Variants in SOX6 observed in about 807,000 individuals in gnomAD.
The protein encoded by SOX6 is SRY-box transcription factor 6, also known as transcription factor SOX-6.
Under a neutral mutation model 97.8 loss-of-function variants are expected in SOX6, and 11 were observed. The observed-to-expected ratio is 0.11, with a 90% CI of 0.07 to 0.19. The LOEUF is 0.19. Among genes scored for constraint, SOX6 ranks in the 10% least tolerant of loss-of-function variants. The pLI, the probability that SOX6 is intolerant of heterozygous loss-of-function variation, is 1.00. For missense variants in SOX6, 810 were observed against 1,039.5 expected, an observed-to-expected ratio of 0.78 and a Z score of 3.04; for synonymous variants, 360 against 371.4, an observed-to-expected ratio of 0.97 and a Z score of 0.35.
At chr11:16,016,402 A>C (rs944814733) in intron 12 of SOX6, among the ~76,000 whole-genome samples, 1 of 152,098 alleles carries the variant, frequency 6.6e-6, no homozygotes, top group African/African-American at 2.4e-5. Context: ...CAAAAATTAC[A>C]ATCACGAGTT....
At chr11:16,403,622 A>T (rs1278945062) in intron 1 of SOX6, among the ~76,000 whole-genome samples, 2 of 151,764 alleles carry the variant, frequency 1.3e-5, no homozygotes, top group Non-Finnish European at 2.9e-5. Flanking sequence ...ATAAGATAAG[A>T]GACAGTCTTT....
At chr11:16,429,029 C>A (rs932758389) in intron 1 of SOX6, among the ~76,000 whole-genome samples, 1 of 151,968 alleles carries the variant, frequency 6.6e-6, no homozygotes, top group Non-Finnish European at 1.5e-5. Context: ...TGAACAGGCA[C>A]TTTTCAAAAG....
intron 4 of SOX6, among the ~76,000 whole-genome samples, chr11:16,578,986 A>T (rs1848007504): frequency 6.6e-6 from 1 of 152,152 alleles, no homozygotes; most frequent in Non-Finnish European, 1.5e-5. Context: ...TCTGAAACAA[A>T]ATATGGAAAT....
chr11:16,278,607 C>G (rs1854468152), intron 3 of SOX6, among the ~76,000 whole-genome samples: 1 of 151,262 alleles, frequency 6.6e-6, no homozygotes, highest in Non-Finnish European at 1.5e-5. Flanking sequence ...ATTTGGGGCC[C>G]CAGAACAATA....
At chr11:16,006,028 G>C (rs909623943) in intron 13 of SOX6, among the ~76,000 whole-genome samples, 3 of 151,860 alleles carry the variant, frequency 2.0e-5, no homozygotes, top group Non-Finnish European at 4.4e-5. Context: ...GTAAGGCATC[G>C]ATCAGTCACA....
chr11:16,169,731 A>G (rs1850981314), intron 6 of SOX6, among the ~76,000 whole-genome samples: 1 of 152,114 alleles, frequency 6.6e-6, no homozygotes, highest in Non-Finnish European at 1.5e-5. Context: ...AATAGTTTAA[A>G]TTCCTTCCAC....
At chr11:16,176,299 T>A (rs576744739) in intron 6 of SOX6, among the ~76,000 whole-genome samples, 1 of 151,974 alleles carries the variant, frequency 6.6e-6, no homozygotes, top group South Asian at 2.1e-4. Flanking sequence ...TAAATAAAAA[T>A]CTTTGGGATA....
At chr11:16,029,530 G>C (rs1246680568) in intron 12 of SOX6, among the ~76,000 whole-genome samples, 1 of 152,078 alleles carries the variant, frequency 6.6e-6, no homozygotes. Context: ...GAGGCACTCG[G>C]GAGGCTGAGG....
chr11:16,122,069 A>T (rs1849508136), intron 6 of SOX6, among the ~76,000 whole-genome samples: 1 of 152,036 alleles, frequency 6.6e-6, no homozygotes, highest in Non-Finnish European at 1.5e-5. Context: ...TAAACTCAGC[A>T]TATTGTTATC....
intron 4 of SOX6, among the ~76,000 whole-genome samples, chr11:16,504,154 T>A (rs981366069): frequency 6.6e-6 from 1 of 151,938 alleles, no homozygotes; most frequent in Non-Finnish European, 1.5e-5. Context: ...TATGAATAGA[T>A]CTATAGGACT....
At chr11:16,127,331 T>C (rs1363848803) in intron 6 of SOX6, among the ~76,000 whole-genome samples, 1 of 152,084 alleles carries the variant, frequency 6.6e-6, no homozygotes, top group Non-Finnish European at 1.5e-5. Context: ...CTATTCTTCA[T>C]GTATACTTAC....
chr11:16,461,117 T>C (rs899563331), intron 1 of SOX6, among the ~76,000 whole-genome samples: 5 of 152,170 alleles, frequency 3.3e-5, no homozygotes, highest in African/African-American at 1.2e-4. Context: ...AGATATTTAG[T>C]ACAATCATTT....
chr11:16,336,731 A>G (rs578149513), intron 2 of SOX6, among the ~76,000 whole-genome samples: 2 of 152,266 alleles, frequency 1.3e-5, no homozygotes, highest in African/African-American at 4.8e-5. Context: ...AGACTCCATA[A>G]TATCTGTAAT....
intron 6 of SOX6, among the ~76,000 whole-genome samples, chr11:16,117,382 C>G (rs543597978): frequency 6.6e-6 from 1 of 151,988 alleles, no homozygotes; most frequent in East Asian, 1.9e-4. Context: ...AACAAACAAA[C>G]AAACAAAAAA....
intron 6 of SOX6, among the ~76,000 whole-genome samples, chr11:16,125,816 TAGGAAGGAAGGAAGGAAGGAAGGAAGGA>T (rs3085337): frequency 3.0e-5 from 3 of 99,660 alleles, no homozygotes; most frequent in African/African-American, 7.6e-5. Flanking sequence ...AAAGAAATCA[TAGGAAGGAAGGAAGGAAGGAAGGAAGGA>T]AGGAAGGAAG....
At chr11:16,046,011 A>T (rs1398861446) in intron 12 of SOX6, among the ~76,000 whole-genome samples, 1 of 152,224 alleles carries the variant, frequency 6.6e-6, no homozygotes, top group Non-Finnish European at 1.5e-5. Context: ...AACAGAGTCC[A>T]TCATAGAATA....
At chr11:16,006,132 C>T (rs1409770932) in intron 13 of SOX6, among the ~76,000 whole-genome samples, 1 of 151,962 alleles carries the variant, frequency 6.6e-6, no homozygotes, top group Non-Finnish European at 1.5e-5. Context: ...CACCTAACAC[C>T]TGCTAAGCTT....
intron 3 of SOX6, among the ~76,000 whole-genome samples, chr11:16,709,956 T>C (rs1848165190): frequency 1.3e-5 from 2 of 152,232 alleles, no homozygotes; most frequent in Admixed American, 6.5e-5. Flanking sequence ...TAAAACTTTA[T>C]TACTTTATAA....
intron 13 of SOX6, 89 bp downstream of exon 13, chr11:16,014,853 T>C: frequency 8.0e-7 from 1 of 1,254,400 alleles, no homozygotes; most frequent in Non-Finnish European, 1.2e-6. Context: ...ATGACTCCTA[T>C]GAAAAACTAT....
Sources: allele counts gnomAD v4.1 joint callset (sites outside exome capture counted in the v4.1 genomes callset), GRCh38; gene constraint gnomAD v4.1.1; transcripts MANE v1.5; gene names NCBI Gene and HGNC (gene_info 2026-07-23, HGNC 2026-07-21).